Variants in TTC7B observed in about 807,000 individuals in gnomAD.
TTC7B encodes tetratricopeptide repeat domain 7B.
Under a neutral mutation model 106.8 loss-of-function variants are expected in TTC7B, and 28 were observed. The ratio of observed to expected loss-of-function variants is 0.26; its 90% confidence interval spans 0.19 to 0.36. The LOEUF is 0.36. Among genes scored for constraint, TTC7B ranks in the 10% least tolerant of loss-of-function variants. The pLI is 1.00. For synonymous variants in TTC7B, 405 were observed against 430.6 expected (o/e 0.94, Z 0.74); for missense variants, 862 against 1,076.4 (o/e 0.80, Z 2.79).
intron 4 of TTC7B, among the ~76,000 whole-genome samples, chr14:90,738,054 C>T (rs1437938852): frequency 6.6e-6 from 1 of 151,926 alleles, no homozygotes; most frequent in African/African-American, 2.4e-5. Context: ...TGTTAAAAAC[C>T]ACTGTACAAT....
chr14:90,665,628 G>A (rs1886381745), intron 9 of TTC7B, among the ~76,000 whole-genome samples: 1 of 152,226 alleles, frequency 6.6e-6, no homozygotes, highest in Admixed American at 6.5e-5. Flanking sequence ...CCACTGGGGA[G>A]GGGGCAGAAA....
chr14:90,676,695 G>A, intron 8 of TTC7B, 35 bp from the exon 9 acceptor site: 2 of 1,608,460 alleles, frequency 1.2e-6, no homozygotes, highest in East Asian at 4.5e-5. Context: ...CAGATGGAGA[G>A]AGAACCTAGT....
intron 19 of TTC7B, among the ~76,000 whole-genome samples, chr14:90,562,528 C>T (rs747391746): frequency 2.0e-5 from 3 of 152,200 alleles, no homozygotes; most frequent in Non-Finnish European, 4.4e-5. Context: ...AAGTTCCAAC[C>T]TGCAGAAAAG....
At chr14:90,542,033 G>A (rs1254554627) in intron 19 of TTC7B, among the ~76,000 whole-genome samples, 2 of 152,258 alleles carry the variant, frequency 1.3e-5, no homozygotes, top group Middle Eastern at 3.4e-3. Flanking sequence ...TCCGCCTCCC[G>A]GGTTCATGCC....
intron 11 of TTC7B, among the ~76,000 whole-genome samples, chr14:90,656,402 T>A (rs757212826): frequency 7.2e-5 from 11 of 152,236 alleles, no homozygotes; most frequent in Non-Finnish European, 1.6e-4. Context: ...CTGAGTTTTC[T>A]ATTTTCTACT....
At chr14:90,616,941 T>C (rs1893109098) in intron 16 of TTC7B, among the ~76,000 whole-genome samples, 1 of 152,212 alleles carries the variant, frequency 6.6e-6, no homozygotes, top group Non-Finnish European at 1.5e-5. Flanking sequence ...TTGGAGCAGT[T>C]GTGTGAATTC....
At position 90,759,822 on chromosome 14, in the gene TTC7B, G is replaced by C. The variant is rs918014267; in HGVS notation, c.446-14900C>G. 1.5e-4 allele frequency among the ~76,000 whole-genome samples: 23 copies of C among 152,172 alleles called. No homozygotes were observed. Among genetic ancestry groups the C allele is most frequent in the African/African-American group, 5.6e-4 (23 of 41,426 alleles). ...AGTTTATCTTCAATAGTGTGCCCCTGGATGCCAGGGCAAAATGTTAAAGAA... is the reference window on the plus strand; with the variant it reads ...AGTTTATCTTCAATAGTGTGCCCCTCGATGCCAGGGCAAAATGTTAAAGAA... On this transcript the variant is annotated intron_variant, in intron 3 of 19. Transcript: ENST00000328459. The surrounding 1 kb of genome is among the most constrained non-coding windows in gnomAD (Gnocchi z 4.1).
chr14:90,660,830 A>G (rs181907731), intron 9 of TTC7B, among the ~76,000 whole-genome samples: 1 of 152,364 alleles, frequency 6.6e-6, no homozygotes, highest in Non-Finnish European at 1.5e-5. Context: ...AACATATTCT[A>G]TTTAAAAGCA....
Position 90,657,818 on chromosome 14 carries a change from A to T in TTC7B, c.1236+486T>A. 5.4e-6 allele frequency: 1 copy of T among 185,584 alleles called. No homozygotes were observed. The highest frequency in any genetic ancestry group is 1.1e-5 in the Non-Finnish European group (1 of 87,142). 11.5% of individuals were successfully genotyped at this position (185,584 alleles called of 1,614,324 possible). ...GCAGGTGCTGTTCTTACTCCATTTT[A>T]CCGAGGAAACTGAGCTGCTCAGTAA... On this transcript the variant is annotated intron_variant, in intron 10 of 19. Coordinates refer to ENST00000328459, the MANE Select transcript of TTC7B (RefSeq NM_001010854.2). The surrounding 1 kb of genome is among the most constrained non-coding windows in gnomAD (Gnocchi z 4.2).
chr14:90,773,595 A>G (rs968932445), intron 3 of TTC7B, among the ~76,000 whole-genome samples: 5 of 152,190 alleles, frequency 3.3e-5, no homozygotes, highest in Admixed American at 6.5e-5. Flanking sequence ...TCAGCGCTCA[A>G]TAAATGCTCA....
intron 16 of TTC7B, among the ~76,000 whole-genome samples, chr14:90,612,707 A>G (rs548980027): frequency 6.6e-6 from 1 of 152,340 alleles, no homozygotes; most frequent in South Asian, 2.1e-4. Flanking sequence ...CTGTGTGAGG[A>G]TGACATAAGG....
At chr14:90,593,393 C>CCCT in intron 18 of TTC7B, 93 bp downstream of exon 18, 1 of 1,463,212 alleles carries the variant, frequency 6.8e-7, no homozygotes, top group Non-Finnish European at 9.0e-7. Context: ...GCTAAACAGA[C>CCCT]AAGCGCCCAG....
rs1014499724 is a variant in TTC7B at position 90,532,995 on chromosome 14, T to A, written c.*8373A>T. On this transcript the variant is annotated 3_prime_UTR_variant, in exon 20 of 20. Transcript: ENST00000328459. ...CTGTGCTCGGCCATGTGCTTGTGTT[T>A]TACACACCCTCTGAATCTTTACAAC... 6.6e-6 allele frequency: 1 copy of A among 152,452 alleles called. No individual in the cohort carries two copies. Among genetic ancestry groups the A allele is most frequent in the Non-Finnish European group, 1.5e-5 (1 of 68,272 alleles). The allele number at this position is 152,452 out of a possible 1,614,324, so 9.4% of individuals were successfully genotyped here. A position where few individuals can be genotyped will look rare whatever the true frequency, so the allele number is the denominator to read the frequency against.
intron 19 of TTC7B, among the ~76,000 whole-genome samples, chr14:90,545,746 A>G (rs1460106390): frequency 2.0e-5 from 3 of 152,178 alleles, no homozygotes; most frequent in Non-Finnish European, 4.4e-5. Context: ...GCTGCAGGGT[A>G]TGGGACAGGG....
Position 90,569,205 on chromosome 14 carries a change from G to A in TTC7B, c.2310+8901C>T, listed in dbSNP as rs118170702. On this transcript the variant is annotated intron_variant, in intron 19 of 19. Coordinates refer to ENST00000328459, the MANE Select transcript of TTC7B (RefSeq NM_001010854.2). ...GTGGTGAAAGCCATGAAAAGGCCTC[G>A]GTGCTGTGGAAAGCAGGGGAGGCTG... Among the ~76,000 whole-genome samples the A allele has an allele frequency of 3.4e-3, 513 of 152,296 alleles. 4 individuals are homozygous for A. Among genetic ancestry groups the A allele is most frequent in the Admixed American group, 0.017 (266 of 15,306 alleles).
At chr14:90,554,923 T>G (rs1178201685) in intron 19 of TTC7B, among the ~76,000 whole-genome samples, 4 of 152,124 alleles carry the variant, frequency 2.6e-5, no homozygotes, top group Admixed American at 1.3e-4. Flanking sequence ...CGACTCTTAG[T>G]GATCACATCT....
chr14:90,709,613 C>T (rs2139965223), intron 5 of TTC7B, among the ~76,000 whole-genome samples: 1 of 151,064 alleles, frequency 6.6e-6, no homozygotes. Context: ...GTGCAGCACA[C>T]CAACATGGCA....
At chr14:90,556,935 C>G (rs1890334425) in intron 19 of TTC7B, among the ~76,000 whole-genome samples, 1 of 152,214 alleles carries the variant, frequency 6.6e-6, no homozygotes. Flanking sequence ...ATGGGCAGGG[C>G]TATGACCCCA....
At chr14:90,650,008 G>C (rs554561941) in intron 13 of TTC7B, among the ~76,000 whole-genome samples, 1 of 151,918 alleles carries the variant, frequency 6.6e-6, no homozygotes, top group Admixed American at 6.6e-5. Flanking sequence ...GGAAAGCATC[G>C]GATGGGCTTC....
Sources: gnomAD v4.1 joint callset for allele counts (sites outside exome capture counted in the v4.1 genomes callset) on GRCh38, gnomAD v4.1.1 for gene constraint, Gnocchi (gnomAD v3.1) non-coding constraint, MANE v1.5 for transcripts, NCBI Gene and HGNC (gene_info 2026-07-23, HGNC 2026-07-21) for gene names.